DHRS4L2: variants seen among roughly 807,000 people sequenced by gnomAD.
DHRS4L2 encodes the protein dehydrogenase/reductase 4 like 2.
DHRS4L2 carries 22 observed loss-of-function variants against 23.9 expected under a neutral mutation model. The ratio of observed to expected loss-of-function variants is 0.92; its 90% CI spans 0.66 to 1.31. The LOEUF (loss-of-function observed/expected upper bound fraction) is 1.31. DHRS4L2 is among the 40% of genes most tolerant of loss of function. The probability of loss-of-function intolerance (pLI) is 0.00; values close to 1 mark genes in which losing one functional copy is unlikely to be tolerated. For missense variants in DHRS4L2, 385 were observed against 303.3 expected (o/e 1.27, Z -2.00); for synonymous variants, 141 against 123.7 (o/e 1.14, Z -0.93).
At chr14:23,986,362 G>T (rs753909181), upstream of DHRS4L2, among the ~76,000 whole-genome samples, 1 of 151,356 alleles carries the variant, frequency 6.6e-6, no homozygotes, top group Non-Finnish European at 1.5e-5. Flanking sequence ...CTGTCGTGGG[G>T]TGCAGGCATG....
At chr14:23,981,213 A>G (rs1486588057) in intron 1 of DHRS4L2, among the ~76,000 whole-genome samples, 1 of 151,654 alleles carries the variant, frequency 6.6e-6, no homozygotes, top group African/African-American at 2.4e-5. Flanking sequence ...ACTGCTACAA[A>G]GAGAATAAAA....
intron 2 of DHRS4L2, among the ~76,000 whole-genome samples, chr14:23,993,246 G>A (rs1594468796): frequency 6.6e-6 from 1 of 151,642 alleles, no homozygotes; most frequent in South Asian, 2.1e-4. Context: ...CAGGTGACTT[G>A]GCTTTGTGCC....
chr14:23,997,656 C>G lies in DHRS4L2; in HGVS notation c.408+2523C>G, dbSNP rs532787301. ...TATCCGTACGAACCAGCTCCTCAGC[C>G]ATCTACATTTTATCGTGAGATTGTA... On this transcript the variant is annotated intron_variant, in intron 3 of 7. Transcript: ENST00000335125. Among the ~76,000 whole-genome samples the G allele has an allele frequency of 8.2e-5, 12 of 147,122 alleles. 1 individual carries two copies. The highest frequency in any genetic ancestry group is 1.2e-4 in the Non-Finnish European group (8 of 67,672).
rs754318476 is a variant in DHRS4L2, at chr14:23,990,222, G to C, written c.169G>C (p.Ala57Pro). 5.0e-6 allele frequency: 8 copies of C among 1,612,742 alleles called. No homozygotes were observed. The highest frequency in any genetic ancestry group is 5.9e-6 in the Non-Finnish European group (7 of 1,179,388). Residue 57 changes from alanine to proline, a missense_variant, in exon 2 of 8, where the codon GCC becomes CCC. By Grantham distance (27) the Ala-to-Pro change is conservative (BLOSUM62 -1). Coordinates refer to ENST00000335125, the MANE Select transcript of DHRS4L2 (RefSeq NM_198083.4). ...AIARRLAQDR[A>P]HVVVSSRKQQ... is the part of the protein sequence containing the mutation. The stretch of plus-strand genomic sequence containing the variant: ...CGCCCGGCGTTTGGCCCAGGACAGG[G>C]CCCACGTGGTCGTCAGCAGCCGGAA...
chr14:23,983,941 T>C (rs2034096288), upstream of DHRS4L2, among the ~76,000 whole-genome samples: 1 of 151,640 alleles, frequency 6.6e-6, no homozygotes, highest in African/African-American at 2.4e-5. Context: ...AGATGACGTG[T>C]TGATGGGTGC....
intron 1 of DHRS4L2, among the ~76,000 whole-genome samples, chr14:23,970,715 G>C (rs1310767270): frequency 6.6e-6 from 1 of 152,038 alleles, no homozygotes; most frequent in Non-Finnish European, 1.5e-5. Context: ...ACACCGACCA[G>C]TAGGGGCGGA....
At chr14:23,990,129 C>G (rs934122633) in intron 1 of DHRS4L2, 53 bp from the exon 2 acceptor site, 4 of 1,600,356 alleles carry the variant, frequency 2.5e-6, no homozygotes, top group Non-Finnish European at 1.7e-6. Context: ...CCCATGCTGT[C>G]GACCTCTTCC....
chr14:23,986,975 T>C (rs1338110311), upstream of DHRS4L2, among the ~76,000 whole-genome samples: 2 of 151,462 alleles, frequency 1.3e-5, no homozygotes, highest in Non-Finnish European at 2.9e-5. Context: ...ATGGGGAAAA[T>C]TATACTGCAG....
At chr14:23,981,955 C>G (rs1435016129) in intron 1 of DHRS4L2, among the ~76,000 whole-genome samples, 2 of 151,686 alleles carry the variant, frequency 1.3e-5, no homozygotes, top group African/African-American at 2.4e-5. Context: ...AATGTACAAT[C>G]GTGTTTTATA....
At chr14:23,975,635 C>T (rs2033951255) in intron 1 of DHRS4L2, among the ~76,000 whole-genome samples, 1 of 151,668 alleles carries the variant, frequency 6.6e-6, no homozygotes. Context: ...AAATCATAAG[C>T]AAAAAGAACA....
At chr14:23,992,640 G>A (rs1422740951) in intron 2 of DHRS4L2, among the ~76,000 whole-genome samples, 6 of 151,274 alleles carry the variant, frequency 4.0e-5, no homozygotes, top group Admixed American at 2.0e-4. Flanking sequence ...GCTCCTAACC[G>A]CTTTAGTGTA....
Position 23,989,090 on chromosome 14 carries a change from C to A in DHRS4L2, c.128+15C>A. ...TCCACCGACGGGTGAGTGTTGGTGC[C>A]GGAGTTTCTGAGGCCCTGGCTGCCT... On this transcript the variant is annotated intron_variant, in intron 1 of 7. Coordinates refer to ENST00000335125, the MANE Select transcript of DHRS4L2 (RefSeq NM_198083.4). The A allele has an allele frequency of 1.3e-6, 2 of 1,559,294 alleles. No homozygotes were observed. Among genetic ancestry groups the A allele is most frequent in the Non-Finnish European group, 1.7e-6 (2 of 1,152,306 alleles).
At chr14:23,973,296 G>A (rs1566485029) in intron 1 of DHRS4L2, among the ~76,000 whole-genome samples, 1 of 151,954 alleles carries the variant, frequency 6.6e-6, no homozygotes, top group African/African-American at 2.4e-5. Flanking sequence ...TGCCGCCAAG[G>A]CCACACCCAC....
In DHRS4L2 at chr14:24,004,097, C is replaced by T. The variant is rs1228596188; in HGVS notation, c.666-240C>T. Among the ~76,000 whole-genome samples, 11 of 143,274 alleles carry T rather than the reference C, an allele frequency of 7.7e-5. No homozygotes were observed. The East Asian group carries it at 1.5e-3, about 19-fold the overall frequency. 94.0% of individuals were successfully genotyped at this position (143,274 alleles called of 152,430 possible). A position where few individuals can be genotyped will look rare whatever the true frequency, so the allele number is the denominator to read the frequency against. ...CATCTTGGCTAACACGGTGAAACCC[C>T]GTCTCTACTAAAAATACAAAAAATT... On this transcript the variant is annotated intron_variant, in intron 6 of 7. Coordinates refer to ENST00000335125, the MANE Select transcript of DHRS4L2 (RefSeq NM_198083.4).
At chr14:23,976,266 AAAAT>A (rs1403882052) in intron 1 of DHRS4L2, among the ~76,000 whole-genome samples, 2 of 151,818 alleles carry the variant, frequency 1.3e-5, no homozygotes, top group Non-Finnish European at 2.9e-5. Context: ...TACAAGAAAA[AAAAT>A]AACCCCATCA....
At position 23,972,396 on chromosome 14, in the gene DHRS4L2, G is replaced by C. The variant is rs1006323380; in HGVS notation, c.-176+2064G>C. 6.6e-5 allele frequency among the ~76,000 whole-genome samples: 10 copies of C among 152,160 alleles called. No homozygotes were observed. In the East Asian group the frequency reaches 7.7e-4, roughly 12 times the overall value. On this transcript the variant is annotated intron_variant, in intron 1 of 5. Coordinates refer to the DHRS4L2 transcript ENST00000534993. ...TGTCTGGAGTTGTTCATTCCTCCTGGTGGGTTCGTGGCCTCACTGGCCTCA... is the reference window on the plus strand; with the variant it reads ...TGTCTGGAGTTGTTCATTCCTCCTGCTGGGTTCGTGGCCTCACTGGCCTCA...
intron 1 of DHRS4L2, among the ~76,000 whole-genome samples, chr14:23,979,193 A>G (rs1245360137): frequency 6.7e-6 from 1 of 149,440 alleles, no homozygotes; most frequent in African/African-American, 2.5e-5. Context: ...ATCAAAAGAG[A>G]CAAGGCCATT....
At chr14:23,990,527 C>T (rs1357577245) in intron 2 of DHRS4L2, among the ~76,000 whole-genome samples, 168 bp downstream of exon 2, 2 of 151,206 alleles carry the variant, frequency 1.3e-5, no homozygotes, top group Non-Finnish European at 3.0e-5. Context: ...AATTTTAAAA[C>T]ATTCTAATGC....
At chr14:23,997,982 A>G (rs1482427065) in intron 3 of DHRS4L2, among the ~76,000 whole-genome samples, 2 of 151,936 alleles carry the variant, frequency 1.3e-5, no homozygotes, top group Non-Finnish European at 2.9e-5. Context: ...TTTCTTAAAT[A>G]ATAAGTCTTG....
Sources: allele counts gnomAD v4.1 joint callset (sites outside exome capture counted in the v4.1 genomes callset), GRCh38; gene constraint gnomAD v4.1.1; transcripts MANE v1.5; gene names NCBI Gene and HGNC (gene_info 2026-07-23, HGNC 2026-07-21).